Variants in TATDN3 observed in about 807,000 individuals in gnomAD.
TATDN3 encodes TatD DNase domain containing 3.
In TATDN3, 29 loss-of-function variants were observed where a neutral mutation model predicts 40.1. The ratio of observed to expected loss-of-function variants is 0.72; its 90% confidence interval spans 0.54 to 0.99. The LOEUF (loss-of-function observed/expected upper bound fraction) is 0.99, where lower values mean the gene tolerates loss of function less well. Ranked by LOEUF, TATDN3 falls within the 50% of genes least tolerant of loss-of-function variation. The pLI, the probability that TATDN3 is intolerant of heterozygous loss-of-function variation, is 0.00. For missense variants in TATDN3, 309 were observed against 321.9 expected, an observed-to-expected ratio of 0.96 and a Z score of 0.31; for synonymous variants, 105 against 117.0, an observed-to-expected ratio of 0.90 and a Z score of 0.66.
chr1:212,799,571 T>C (rs1410394794), intron 4 of TATDN3, among the ~76,000 whole-genome samples: 1 of 151,540 alleles, frequency 6.6e-6, no homozygotes, highest in Non-Finnish European at 1.5e-5. Flanking sequence ...AGAATCTTGC[T>C]CTGTCACCCA....
intron 8 of TATDN3, among the ~76,000 whole-genome samples, chr1:212,809,814 A>G (rs1411330279): frequency 1.3e-5 from 2 of 152,158 alleles, no homozygotes; most frequent in African/African-American, 2.4e-5. Flanking sequence ...ACCTGAGGTT[A>G]GGAGTTCAAA....
At chr1:212,796,266 A>C (rs1430989947) in intron 2 of TATDN3, among the ~76,000 whole-genome samples, 1 of 152,130 alleles carries the variant, frequency 6.6e-6, no homozygotes, top group Non-Finnish European at 1.5e-5. Context: ...CGACATCCAA[A>C]ACTCTGTCTC....
intron 4 of TATDN3, among the ~76,000 whole-genome samples, chr1:212,798,584 T>TA (rs1443280490): frequency 6.8e-6 from 1 of 146,050 alleles, no homozygotes; most frequent in African/African-American, 2.5e-5. Context: ...TCATTTCAGG[T>TA]AAAAATGCTT....
intron 5 of TATDN3, among the ~76,000 whole-genome samples, chr1:212,803,314 C>G (rs1399756804): frequency 6.6e-6 from 1 of 152,072 alleles, no homozygotes; most frequent in East Asian, 1.9e-4. Flanking sequence ...TCCCTACTAG[C>G]TGGGATTACA....
chr1:212,801,878 T>C (rs1378246777), intron 4 of TATDN3, among the ~76,000 whole-genome samples: 1 of 152,218 alleles, frequency 6.6e-6, no homozygotes, highest in African/African-American at 2.4e-5. Flanking sequence ...CCTTCATCTT[T>C]GTTCTCTCTC....
Position 212,799,990 on chromosome 1 carries a change from G to T in TATDN3, c.259-2711G>T, listed in dbSNP as rs76535563. Among the ~76,000 whole-genome samples the T allele has an allele frequency of 5.6e-3, 850 of 152,266 alleles. 4 individuals carry two copies. The highest frequency in any genetic ancestry group is 0.02 in the African/African-American group (824 of 41,558). On this transcript the variant is annotated intron_variant, in intron 4 of 9. Coordinates refer to ENST00000366974, the MANE Select transcript of TATDN3 (RefSeq NM_001042552.3). Reference sequence around the variant, plus strand: ...CAGTTTAGTTTTCTCCTGCTGATTAGATTATAAACCCCTTTAAAACAGGAA... The same window carrying T: ...CAGTTTAGTTTTCTCCTGCTGATTATATTATAAACCCCTTTAAAACAGGAA...
In TATDN3 at chr1:212,815,371, G is replaced by A. The variant is rs1021081979; in HGVS notation, c.*215G>A. The A allele has an allele frequency of 6.2e-5, 31 of 496,904 alleles. No homozygotes were observed. Among genetic ancestry groups the A allele is most frequent in the African/African-American group, 4.5e-4 (23 of 50,832 alleles). 30.8% of individuals were successfully genotyped at this position (496,904 alleles called of 1,614,324 possible). On this transcript the variant is annotated 3_prime_UTR_variant, in exon 10 of 10. Transcript: ENST00000366974. ...GCCTTGTGCTGCTTTTCAATTAGCC[G>A]AGTTCTGGCAGGATATTGGGAAAAT...
chr1:212,795,181 A>G, intron 2 of TATDN3, 54 bp downstream of exon 2: 1 of 1,373,122 alleles, frequency 7.3e-7, no homozygotes, highest in East Asian at 2.3e-5. Flanking sequence ...CTATCATTTC[A>G]AGCCAAAACA....
chr1:212,811,003 A>T (rs1662837271), intron 8 of TATDN3, among the ~76,000 whole-genome samples: 1 of 152,080 alleles, frequency 6.6e-6, no homozygotes. Flanking sequence ...GTTTTTTTGA[A>T]GCAGAGTCTC....
rs891395306 is a variant in TATDN3, at chr1:212,815,975, A to G, written c.*819A>G. The G allele has an allele frequency of 3.3e-5, 5 of 152,222 alleles. No individual in the cohort carries two copies. Among genetic ancestry groups the G allele is most frequent in the African/African-American group, 1.2e-4 (5 of 41,462 alleles). 9.4% of individuals were successfully genotyped at this position (152,222 alleles called of 1,614,324 possible). A position where few individuals can be genotyped will look rare whatever the true frequency, so the allele number is the denominator to read the frequency against. On this transcript the variant is annotated 3_prime_UTR_variant, in exon 10 of 10. Transcript: ENST00000366974. The stretch of plus-strand genomic sequence containing the variant: ...TTATTTCTCTTTAAGATAAAAATGC[A>G]TACGATTTTTACACTGATCTTAGAT...
intron 9 of TATDN3, among the ~76,000 whole-genome samples, chr1:212,814,399 T>G (rs945292429): frequency 2.6e-5 from 4 of 152,198 alleles, no homozygotes; most frequent in Non-Finnish European, 5.9e-5. Flanking sequence ...TTTCATAAAA[T>G]CTAAATGCTA....
chr1:212,797,633 C>CT, intron 4 of TATDN3: 1 of 153,370 alleles, frequency 6.5e-6, no homozygotes, highest in African/African-American at 2.4e-5. Flanking sequence ...TTATCTGTAA[C>CT]TTTTTTCACA....
Position 212,797,172 on chromosome 1 carries a change from A to T in TATDN3, c.234A>T (p.Glu78Asp). The T allele has an allele frequency of 6.2e-7, 1 of 1,614,168 alleles. No homozygotes were observed. Among genetic ancestry groups the T allele is most frequent in the Non-Finnish European group, 8.5e-7 (1 of 1,179,992 alleles). ...ATCCAGTTCAAGGACTTCCACCAGA[A>T]GACCAAAGAAGTGTCACACTAAAGG... The part of the protein sequence containing the change: ...GVHPVQGLPP[E>D]DQRSVTLKDL... Residue 78 changes from glutamate to aspartate, a missense_variant, in exon 4 of 10, where the codon GAA becomes GAT. By Grantham distance (45) the Glu-to-Asp change is conservative. Coordinates refer to ENST00000366974, the MANE Select transcript of TATDN3 (RefSeq NM_001042552.3).
At chr1:212,793,891 G>A (rs1661534243) in intron 1 of TATDN3, among the ~76,000 whole-genome samples, 1 of 152,118 alleles carries the variant, frequency 6.6e-6, no homozygotes, top group Non-Finnish European at 1.5e-5. Flanking sequence ...AAAGATTTAT[G>A]TTTGGGGCAT....
chr1:212,814,998 G>A lies in TATDN3; in HGVS notation c.682-15G>A. On this transcript the variant is annotated splice_polypyrimidine_tract_variant and intron_variant, in intron 9 of 9. Coordinates refer to ENST00000366974, the MANE Select transcript of TATDN3 (RefSeq NM_001042552.3). ...CAGTGTCATGTTTGACATGGTGTCT[G>A]CTGTCTTGTTTCAGGTACGGAATGA... 6.2e-7 allele frequency: 1 copy of A among 1,608,588 alleles called. No individual in the cohort carries two copies. Among genetic ancestry groups the A allele is most frequent in the South Asian group, 1.1e-5 (1 of 90,084 alleles).
Position 212,815,171 on chromosome 1 carries a change from A to C in TATDN3, c.*15A>C. 1 of 1,599,676 alleles carries C rather than the reference A, an allele frequency of 6.3e-7. No homozygotes were observed. Among genetic ancestry groups the C allele is most frequent in the Non-Finnish European group, 8.5e-7 (1 of 1,175,538 alleles). The stretch of plus-strand genomic sequence containing the variant: ...TCCAGAAATAGCTTCAAAACCATCC[A>C]TTACAAAATCGAATCAACTGCAGGG... On this transcript the variant is annotated 3_prime_UTR_variant, in exon 10 of 10. Transcript: ENST00000366974.
At chr1:212,793,685 T>G (rs1265343424) in intron 1 of TATDN3, among the ~76,000 whole-genome samples, 1 of 152,126 alleles carries the variant, frequency 6.6e-6, no homozygotes, top group Admixed American at 6.5e-5. Context: ...AGATACATTT[T>G]AGAGAGAGAA....
At chr1:212,794,809 G>A (rs1229946057) in intron 1 of TATDN3, 1 of 561,672 alleles carries the variant, frequency 1.8e-6, no homozygotes, top group Non-Finnish European at 3.4e-6. Flanking sequence ...GAGTAAGCAA[G>A]TGAGGGATTC....
In TATDN3 at chr1:212,797,179, A is replaced by G. The variant is rs371520334; in HGVS notation, c.241A>G (p.Arg81Gly). Residue 81 changes from arginine (R) to glycine (G), a missense_variant, in exon 4 of 10, where the codon AGA becomes GGA. Coordinates refer to ENST00000366974, the MANE Select transcript of TATDN3 (RefSeq NM_001042552.3). Reference sequence around the variant, plus strand: ...TCAAGGACTTCCACCAGAAGACCAAAGAAGTGTCACACTAAAGGTAACAGT... The same window carrying G: ...TCAAGGACTTCCACCAGAAGACCAAGGAAGTGTCACACTAAAGGTAACAGT... ...PVQGLPPEDQ[R>G]SVTLKDLDVA... 1.1e-5 allele frequency: 18 copies of G among 1,613,946 alleles called. No individual in the cohort carries two copies. Among genetic ancestry groups the G allele is most frequent in the Non-Finnish European group, 1.4e-5 (17 of 1,179,910 alleles).
Sources: allele counts gnomAD v4.1 joint callset (sites outside exome capture counted in the v4.1 genomes callset), GRCh38; gene constraint gnomAD v4.1.1; transcripts MANE v1.5; gene names NCBI Gene and HGNC (gene_info 2026-07-23, HGNC 2026-07-21).